The following MROH1 variants were observed in gnomAD, a reference collection of about 807,000 sequenced individuals.
MROH1 encodes maestro heat like repeat family member 1.
Under a neutral mutation model 116.5 loss-of-function variants are expected in MROH1, and 117 were observed. That is an observed-to-expected ratio of 1.00 (90% confidence interval 0.86 to 1.17). The LOEUF (loss-of-function observed/expected upper bound fraction) is 1.17. Ranked by LOEUF, MROH1 falls within the 50% of genes most tolerant of loss-of-function variation. The pLI, the probability that MROH1 is intolerant of heterozygous loss-of-function variation, is 0.00. For missense variants in MROH1, 1,873 were observed against 1,338.5 expected (o/e 1.40, Z -6.23); for synonymous variants, 921 against 583.9 (o/e 1.58, Z -8.32).
intron 1 of MROH1, among the ~76,000 whole-genome samples, chr8:144,153,283 G>A (rs900255854): frequency 2.0e-5 from 3 of 150,820 alleles, no homozygotes; most frequent in Non-Finnish European, 4.4e-5. Context: ...TGCAACCTCC[G>A]CCTCCTGGGT....
chr8:144,237,598 A>C (rs1319896037), intron 14 of MROH1, among the ~76,000 whole-genome samples: 2 of 152,066 alleles, frequency 1.3e-5, no homozygotes, highest in African/African-American at 4.8e-5. Context: ...TTCTTCTTCC[A>C]TTCTTTTTAA....
At chr8:144,208,778 C>G (rs908321153) in intron 12 of MROH1, among the ~76,000 whole-genome samples, 3 of 151,692 alleles carry the variant, frequency 2.0e-5, no homozygotes, top group African/African-American at 7.3e-5. Context: ...GGCTGGAGTA[C>G]AGTGGCGCGA....
intron 7 of MROH1, among the ~76,000 whole-genome samples, chr8:144,188,211 G>A (rs941644425): frequency 3.9e-5 from 6 of 152,192 alleles, no homozygotes; most frequent in Admixed American, 3.3e-4. Flanking sequence ...CTGAAAAAAT[G>A]TACAGAACTG....
At position 144,247,682 on chromosome 8, in the gene MROH1, AC is replaced by A; in HGVS notation, c.3120+5del. 1 of 762,086 alleles carries A rather than the reference AC, an allele frequency of 1.3e-6. No individual in the cohort carries two copies. Among genetic ancestry groups the A allele is most frequent in the Middle Eastern group, 3.4e-4 (1 of 2,972 alleles). 47.2% of individuals were successfully genotyped at this position (762,086 alleles called of 1,614,324 possible). A position where few individuals can be genotyped will look rare whatever the true frequency, so the allele number is the denominator to read the frequency against. On this transcript the variant is annotated splice_donor_region_variant and intron_variant, in intron 31 of 43. Coordinates refer to ENST00000326134, the MANE Select transcript of MROH1 (RefSeq NM_032450.3). ...ACACCTGCCACAGTGTAGGCCAGGT[AC>A]CAGCTGGGAGCTCTGCGGCCGGAAG...
rs918576505 is a variant in MROH1, at chr8:144,187,110, C to A, written c.563-3674C>A. Among the ~76,000 whole-genome samples, 50 of 141,432 alleles carry A rather than the reference C, an allele frequency of 3.5e-4. 1 individual carries two copies. Among genetic ancestry groups the A allele is most frequent in the South Asian group, 3.2e-3 (14 of 4,402 alleles). 92.8% of individuals were successfully genotyped at this position (141,432 alleles called of 152,430 possible). A position where few individuals can be genotyped will look rare whatever the true frequency, so the allele number is the denominator to read the frequency against. On this transcript the variant is annotated intron_variant, in intron 7 of 43. Transcript: ENST00000326134. ...GAGACTGTCTCCAAAAAAAAAAAAA[C>A]AAAACAAAACAAAACTCAGGCCGGG...
At chr8:144,158,524 TAA>T (rs1818726203) in intron 1 of MROH1, among the ~76,000 whole-genome samples, 2 of 152,256 alleles carry the variant, frequency 1.3e-5, no homozygotes, top group African/African-American at 2.4e-5. Flanking sequence ...TTTAGTGCTA[TAA>T]GTTTCCACAA....
chr8:144,218,569 G>A (rs1225548656), intron 12 of MROH1, among the ~76,000 whole-genome samples: 2 of 151,086 alleles, frequency 1.3e-5, no homozygotes. Context: ...CCACCACAGT[G>A]GCTGTCCTTC....
At chr8:144,229,380 AT>A (rs60877043) in intron 14 of MROH1, among the ~76,000 whole-genome samples, 88,135 of 108,948 alleles carry the variant, frequency 0.81, 36,473 homozygotes, top group East Asian at 0.96. Flanking sequence ...TACCTTATGA[AT>A]TTTTTTTTTT....
chr8:144,250,333 C>T lies in MROH1; in HGVS notation c.3395C>T (p.Ser1132Phe). The change falls in exon 33 of 44, where the codon TCC (serine) becomes TTC (phenylalanine). Residue 1132 changes from serine to phenylalanine, a missense_variant. By Grantham distance (155) the Ser-to-Phe change is radical (BLOSUM62 -2). Coordinates refer to ENST00000326134, the MANE Select transcript of MROH1 (RefSeq NM_032450.3). ...ACCCAGCACTGCGCAGCCGTGGTGT[C>T]CAGCCTCCTGGGCAGCCCCTTGCCC... ...LATQHCAAVV[S>F]SLLGSPLPLD... 3 of 768,118 alleles carry T rather than the reference C, an allele frequency of 3.9e-6. No homozygotes were observed. Among genetic ancestry groups the T allele is most frequent in the East Asian group, 2.4e-5 (1 of 40,904 alleles). 47.6% of individuals were successfully genotyped at this position (768,118 alleles called of 1,614,324 possible).
intron 35 of MROH1, among the ~76,000 whole-genome samples, chr8:144,256,649 C>T (rs1261036532): frequency 3.9e-5 from 6 of 152,206 alleles, no homozygotes; most frequent in Non-Finnish European, 8.8e-5. Context: ...GCGGGCCCCA[C>T]GCCCACCCCC....
At chr8:144,257,759 TCAC>T (rs1161100308) in intron 35 of MROH1, among the ~76,000 whole-genome samples, 10 of 152,224 alleles carry the variant, frequency 6.6e-5, no homozygotes, top group Non-Finnish European at 1.3e-4. Context: ...AGTGGCACTG[TCAC>T]CACCACCAGC....
chr8:144,250,369 AC>A lies in MROH1; in HGVS notation c.3428+6del. The A allele has an allele frequency of 1.3e-6, 1 of 761,144 alleles. No homozygotes were observed. The allele number at this position is 761,144 out of a possible 1,614,324, so 47.1% of individuals were successfully genotyped here. ...GGCAGCCCCTTGCCCTTGGACAGGT[AC>A]CCAGCTCAGACTCCAGGCTTAGGGG... On this transcript the variant is annotated splice_donor_region_variant and intron_variant, in intron 33 of 43. Coordinates refer to ENST00000326134, the MANE Select transcript of MROH1 (RefSeq NM_032450.3).
At chr8:144,165,746 A>AT (rs1201167849) in intron 3 of MROH1, among the ~76,000 whole-genome samples, 2,294 of 108,264 alleles carry the variant, frequency 0.021, 62 homozygotes, top group African/African-American at 0.061. Flanking sequence ...TAATTTTTGT[A>AT]TTTTTTTTTT....
intron 28 of MROH1, among the ~76,000 whole-genome samples, 195 bp from the exon 29 acceptor site, chr8:144,244,961 G>C (rs1185794650): frequency 2.0e-5 from 3 of 152,206 alleles, no homozygotes; most frequent in Non-Finnish European, 4.4e-5. Flanking sequence ...TCTGTGACCA[G>C]ACTGGAGGAC....
chr8:144,191,037 T>A, intron 8 of MROH1, 102 bp downstream of exon 8: 1 of 1,326,156 alleles, frequency 7.5e-7, no homozygotes, highest in Non-Finnish European at 1.0e-6. Context: ...GGTGTTGCAT[T>A]GGCAAGCAGA....
intron 3 of MROH1, among the ~76,000 whole-genome samples, chr8:144,167,303 C>T (rs1237327975): frequency 1.7e-5 from 2 of 116,428 alleles, no homozygotes; most frequent in African/African-American, 6.5e-5. Flanking sequence ...GTGGAGTGGC[C>T]GGTTGTTGGG....
chr8:144,192,185 A>G, intron 9 of MROH1, 124 bp from the exon 10 acceptor site: 2 of 798,726 alleles, frequency 2.5e-6, no homozygotes, highest in Non-Finnish European at 3.9e-6. Flanking sequence ...TTGAGCCCCA[A>G]GGTGGGGCCC....
intron 1 of MROH1, among the ~76,000 whole-genome samples, chr8:144,152,340 A>G (rs1035852055): frequency 6.8e-4 from 103 of 152,148 alleles, no homozygotes; most frequent in African/African-American, 2.1e-3. Flanking sequence ...TCATTTTCTC[A>G]TATATATTAT....
At chr8:144,204,106 T>A (rs1280241717) in intron 12 of MROH1, among the ~76,000 whole-genome samples, 1 of 152,214 alleles carries the variant, frequency 6.6e-6, no homozygotes, top group Non-Finnish European at 1.5e-5. Flanking sequence ...CATATACATC[T>A]GTGTCATTTT....
Sources: allele counts gnomAD v4.1 joint callset (sites outside exome capture counted in the v4.1 genomes callset), GRCh38; gene constraint gnomAD v4.1.1; transcripts MANE v1.5; gene names NCBI Gene and HGNC (gene_info 2026-07-23, HGNC 2026-07-21).